The following HTRA3 variants were observed in gnomAD, a reference collection of about 807,000 sequenced individuals.
HTRA3 encodes HtrA serine peptidase 3.
HTRA3 carries 41 observed loss-of-function variants against 43.2 expected under a neutral mutation model. The ratio of observed to expected loss-of-function variants is 0.95; its 90% CI spans 0.74 to 1.23. The LOEUF (loss-of-function observed/expected upper bound fraction) is 1.23. HTRA3 is among the 50% of genes most tolerant of loss of function. The pLI, the probability that HTRA3 is intolerant of heterozygous loss-of-function variation, is 0.00. For synonymous variants in HTRA3, 295 were observed against 287.9 expected, an observed-to-expected ratio of 1.02 and a Z score of -0.25; for missense variants, 628 against 647.1, an observed-to-expected ratio of 0.97 and a Z score of 0.32.
At chr4:8,272,503 C>T (rs751401417) in intron 1 of HTRA3, among the ~76,000 whole-genome samples, 3 of 152,212 alleles carry the variant, frequency 2.0e-5, no homozygotes, top group Non-Finnish European at 2.9e-5. Flanking sequence ...CCGTGAGTTT[C>T]CTCAAATGAG....
At chr4:8,305,791 G>A (rs761024329) in intron 8 of HTRA3, among the ~76,000 whole-genome samples, 180 bp from the exon 9 acceptor site, 2 of 152,030 alleles carry the variant, frequency 1.3e-5, no homozygotes, top group Admixed American at 6.6e-5. Context: ...TTTCCCTGTC[G>A]TGTGACATTG....
chr4:8,270,876 T>C lies in HTRA3; in HGVS notation c.385+523T>C, dbSNP rs534227223. 2.0e-5 allele frequency among the ~76,000 whole-genome samples: 3 copies of C among 152,262 alleles called. No homozygotes were observed. In the South Asian group the frequency reaches 6.2e-4, roughly 32 times the overall value. ...GAGAGGCTGCTTGGGGGAGAGAATG[T>C]CGGGGTCAGACCCTAGAACAGCCTC... On this transcript the variant is annotated intron_variant, in intron 1 of 8. Transcript: ENST00000307358.
rs1005307958 is a variant in HTRA3 at position 8,269,989 on chromosome 4, C to T, written c.21C>T (p.Leu7=). The T allele has an allele frequency of 1.4e-5, 17 of 1,247,678 alleles. No individual in the cohort carries two copies. The African/African-American group carries it at 2.2e-4, about 16-fold the overall frequency. The allele number at this position is 1,247,678 out of a possible 1,614,324, so 77.3% of individuals were successfully genotyped here. The change falls in exon 1 of 9, where the codon CTC becomes CTT. Residue 7 remains leucine, a synonymous_variant. Coordinates refer to ENST00000307358, the MANE Select transcript of HTRA3 (RefSeq NM_053044.5). MQARAL[L]LAALAALALA... The stretch of plus-strand genomic sequence containing the variant: ...CCGCCATGCAGGCGCGAGCGCTGCT[C>T]CTGGCCGCGTTGGCCGCGCTGGCGC...
At chr4:8,302,810 G>A (rs76340102) in intron 7 of HTRA3, among the ~76,000 whole-genome samples, 2,913 of 152,326 alleles carry the variant, frequency 0.019, 39 homozygotes, top group Middle Eastern at 0.061. Context: ...TCTGGAGGTC[G>A]GGGATCTGAA....
At chr4:8,276,336 AG>A (rs1280306671) in intron 1 of HTRA3, among the ~76,000 whole-genome samples, 1 of 152,250 alleles carries the variant, frequency 6.6e-6, no homozygotes, top group Non-Finnish European at 1.5e-5. Context: ...TGATGGACTG[AG>A]TGTGCTTTGC....
Position 8,270,149 on chromosome 4 carries a change from C to T in HTRA3, c.181C>T (p.Pro61Ser), listed in dbSNP as rs1208188652. Residue 61 changes from proline (P) to serine (S), a missense_variant, in exon 1 of 9, where the codon CCC (proline) becomes TCC (serine). By Grantham distance (74) the Pro-to-Ser change is moderately conservative. Coordinates refer to ENST00000307358, the MANE Select transcript of HTRA3 (RefSeq NM_053044.5). ...GGTGTGCGCCGCCAGCGAGGGCGAG[C>T]CCTGTGGCGGCCCTCTGGACTCGCC... Reference protein sequence around the residue: ...CLVCAASEGEPCGGPLDSPCG... With the variant: ...CLVCAASEGESCGGPLDSPCG... 1 of 1,543,976 alleles carries T rather than the reference C, an allele frequency of 6.5e-7. No homozygotes were observed. The highest frequency in any genetic ancestry group is 8.6e-7 in the Non-Finnish European group (1 of 1,157,722).
In HTRA3 at chr4:8,286,010, T is replaced by C. The variant is rs1387966802; in HGVS notation, c.486-551T>C. Among the ~76,000 whole-genome samples the C allele has an allele frequency of 6.6e-6, 1 of 152,234 alleles. No individual in the cohort carries two copies. The highest frequency in any genetic ancestry group is 1.5e-5 in the Non-Finnish European group (1 of 68,040). On this transcript the variant is annotated intron_variant, in intron 2 of 8. Coordinates refer to ENST00000307358, the MANE Select transcript of HTRA3 (RefSeq NM_053044.5). The surrounding 1 kb of genome is among the most constrained non-coding windows in gnomAD (Gnocchi z 4.9). ...TGGGGAGCCTCCCTTCCTGGGTACC[T>C]GCTGCAGCCCTGCAGGATGCTGTGT...
At chr4:8,292,223 A>T in intron 4 of HTRA3, 98 bp from the exon 5 acceptor site, 1 of 1,007,396 alleles carries the variant, frequency 9.9e-7, no homozygotes, top group South Asian at 1.5e-5. Context: ...AGACCTGCTT[A>T]TGTGTCTCTG....
intron 6 of HTRA3, among the ~76,000 whole-genome samples, 171 bp downstream of exon 6, chr4:8,294,372 C>T (rs1713362619): frequency 5.3e-5 from 8 of 151,818 alleles, no homozygotes; most frequent in Admixed American, 4.6e-4. Flanking sequence ...CCCAGGACAG[C>T]TTATCCTCAG....
chr4:8,303,279 C>G (rs144285915), intron 7 of HTRA3, among the ~76,000 whole-genome samples: 16 of 152,284 alleles, frequency 1.1e-4, no homozygotes, highest in African/African-American at 3.8e-4. Context: ...GTGGTGGGAC[C>G]GCCCCACCCC....
Position 8,294,197 on chromosome 4 carries a change from C to A in HTRA3, c.1047C>A (p.Ile349=). 1 of 1,609,020 alleles carries A rather than the reference C, an allele frequency of 6.2e-7. No homozygotes were observed. The highest frequency in any genetic ancestry group is 8.5e-7 in the Non-Finnish European group (1 of 1,176,962). ...RFLTEFQDKQ[I]KDWKKRFIGI... ...TCACAGAGTTCCAAGACAAGCAGAT[C>A]AAAGGTAAAGAGCTCACCTGGAGGG... is the stretch of plus-strand genomic sequence containing the variant. The change falls in exon 6 of 9, where the codon ATC becomes ATA. Residue 349 remains isoleucine, a synonymous_variant. Transcript: ENST00000307358.
chr4:8,282,307 C>A, intron 1 of HTRA3, 130 bp from the exon 2 acceptor site: 1 of 720,100 alleles, frequency 1.4e-6, no homozygotes, highest in Non-Finnish European at 2.4e-6. Context: ...TCAGTGTGGG[C>A]TGAGGCTGGC....
In HTRA3 at chr4:8,295,969, C is replaced by T. The variant is rs1182528338; in HGVS notation, c.1051+1768C>T. 1 of 1,209,370 alleles carries T rather than the reference C, an allele frequency of 8.3e-7. No homozygotes were observed. The highest frequency in any genetic ancestry group is 1.0e-6 in the Non-Finnish European group (1 of 973,542). 74.9% of individuals were successfully genotyped at this position (1,209,370 alleles called of 1,614,324 possible). ...CCATCTAATCTCTTGAGCCCTTTTCCTGTTGGCTTCTAGGAAGCTCAGAGC... is the reference window on the plus strand; with the variant it reads ...CCATCTAATCTCTTGAGCCCTTTTCTTGTTGGCTTCTAGGAAGCTCAGAGC... On this transcript the variant is annotated intron_variant, in intron 6 of 8. Transcript: ENST00000307358. The surrounding 1 kb of genome is among the most constrained non-coding windows in gnomAD (Gnocchi z 6.9).
At position 8,278,866 on chromosome 4, in the gene HTRA3, G is replaced by A. The variant is rs528197302; in HGVS notation, c.386-3571G>A. Among the ~76,000 whole-genome samples the A allele has an allele frequency of 2.0e-5, 3 of 152,352 alleles. No homozygotes were observed. The South Asian group carries it at 6.2e-4, about 32-fold the overall frequency. On this transcript the variant is annotated intron_variant, in intron 1 of 8. Transcript: ENST00000307358. ...TTTTGTGAGGCTGCTTGGAGACTTG[G>A]TTAATCAGCTGACCCACATTCTTTC...
At position 8,305,951 on chromosome 4, in the gene HTRA3, C is replaced by T. The variant is rs376465904; in HGVS notation, c.1197-20C>T. The T allele has an allele frequency of 1.7e-5, 27 of 1,610,436 alleles. No homozygotes were observed. The highest frequency in any genetic ancestry group is 1.6e-4 in the East Asian group (7 of 44,764). ...GCCTGGGGAGGCGGTGGGTGGTGAC[C>T]CCGTCTCTCCTGTTGGCAGAGGCGG... On this transcript the variant is annotated intron_variant, in intron 8 of 8. Transcript: ENST00000307358.
At chr4:8,301,959 A>C (rs571200284) in intron 6 of HTRA3, among the ~76,000 whole-genome samples, 1 of 152,262 alleles carries the variant, frequency 6.6e-6, no homozygotes, top group Non-Finnish European at 1.5e-5. Flanking sequence ...AGCTTGGGGG[A>C]TGGAGACACT....
chr4:8,291,276 T>C lies in HTRA3; in HGVS notation c.709-94T>C, dbSNP rs556871691. ...TGGCTTTGCACAGATGTGCATGCCT[T>C]CCCTGGGACCCCCCTGCCAGGATCT... On this transcript the variant is annotated intron_variant, in intron 3 of 8. Coordinates refer to ENST00000307358, the MANE Select transcript of HTRA3 (RefSeq NM_053044.5). The C allele has an allele frequency of 1.5e-5, 17 of 1,131,176 alleles. No individual in the cohort carries two copies. The South Asian group carries it at 2.0e-4, about 14-fold the overall frequency. The allele number at this position is 1,131,176 out of a possible 1,614,324, so 70.1% of individuals were successfully genotyped here. A position where few individuals can be genotyped will look rare whatever the true frequency, so the allele number is the denominator to read the frequency against.
At chr4:8,299,592 T>G (rs1713567545) in intron 6 of HTRA3, among the ~76,000 whole-genome samples, 1 of 152,190 alleles carries the variant, frequency 6.6e-6, no homozygotes, top group Non-Finnish European at 1.5e-5. Flanking sequence ...CACCATTAAG[T>G]ACGGTGCTAG....
At chr4:8,293,940 G>T (rs1713341136) in intron 5 of HTRA3, 147 bp from the exon 6 acceptor site, 1 of 598,140 alleles carries the variant, frequency 1.7e-6, no homozygotes, top group African/African-American at 1.9e-5. Context: ...GTGATCCTGA[G>T]AGTGAGCTTT....
Sources: gnomAD v4.1 joint callset for allele counts (sites outside exome capture counted in the v4.1 genomes callset) on GRCh38, gnomAD v4.1.1 for gene constraint, Gnocchi (gnomAD v3.1) non-coding constraint, MANE v1.5 for transcripts, NCBI Gene and HGNC (gene_info 2026-07-23, HGNC 2026-07-21) for gene names.